The following ACTR3C variants were observed in gnomAD, a reference collection of about 807,000 sequenced individuals.
The protein encoded by ACTR3C is actin-related protein 3C.
In ACTR3C, 18 loss-of-function variants were observed where a neutral mutation model predicts 26.3. The ratio of observed to expected loss-of-function variants is 0.68; its 90% CI spans 0.47 to 1.01. ACTR3C has a LOEUF of 1.01. Among genes scored for constraint, ACTR3C ranks in the 50% least tolerant of loss-of-function variants. The pLI is 0.00. For synonymous variants in ACTR3C, 55 were observed against 94.5 expected (o/e 0.58, Z 2.42); for missense variants, 184 against 250.7 (o/e 0.73, Z 1.80).
intron 6 of ACTR3C, among the ~76,000 whole-genome samples, chr7:150,272,810 T>TC (rs1834555801): frequency 7.4e-6 from 1 of 135,940 alleles, no homozygotes; most frequent in Non-Finnish European, 1.5e-5. Flanking sequence ...GCTGCCTCAG[T>TC]CTCCCAAGTA....
At chr7:150,228,612 A>G in the ACTR3C span, among the ~76,000 whole-genome samples, 3 of 152,140 alleles carry the variant, frequency 2.0e-5, no homozygotes, top group African/African-American at 7.2e-5. Flanking sequence ...CCATGAACCA[A>G]GGAATACAGG....
In ACTR3C at chr7:150,284,854, T is replaced by C. The variant is rs781242657; in HGVS notation, c.472-9A>G. On this transcript the variant is annotated splice_polypyrimidine_tract_variant and intron_variant, in intron 5 of 7. Transcript: ENST00000683684. ...GAGTCTGGGTTGGCAAACTGAATTG[T>C]ATATCAATATAAAAGAAACATTACA... The C allele has an allele frequency of 1.2e-5, 19 of 1,603,892 alleles. 2 individuals are homozygous for C. The South Asian group carries it at 2.0e-4, about 17-fold the overall frequency.
intron 1 of ACTR3C, among the ~76,000 whole-genome samples, chr7:150,306,150 C>T (rs1448204183): frequency 3.9e-5 from 6 of 152,100 alleles, no homozygotes; most frequent in Non-Finnish European, 8.8e-5. Context: ...TTGCAGGTAC[C>T]CATTTTTAGC....
the ACTR3C span, among the ~76,000 whole-genome samples, chr7:150,108,987 C>T: frequency 0.15 from 23,094 of 151,286 alleles, 2,152 homozygotes; most frequent in African/African-American, 0.23. Context: ...GTCTAATGGA[C>T]GGTGAATTAC....
the ACTR3C span, among the ~76,000 whole-genome samples, chr7:150,018,268 T>A: frequency 2.0e-5 from 3 of 149,338 alleles, no homozygotes; most frequent in East Asian, 3.9e-4. Context: ...ATGGTCTCCA[T>A]CTCCTGACCG....
At position 150,305,835 on chromosome 7, in the gene ACTR3C, C is replaced by T. The variant is rs191290665; in HGVS notation, c.-51-10488G>A. Among the ~76,000 whole-genome samples, 1,113 of 152,178 alleles carry T rather than the reference C, an allele frequency of 7.3e-3. 20 individuals carry two copies. The highest frequency in any genetic ancestry group is 0.025 in the African/African-American group (1,017 of 41,506). ...CTCTGCATGTTCAGATGACTGGGCA[C>T]GGCCATCAGAAAGGATAATTCTGTG... On this transcript the variant is annotated intron_variant, in intron 1 of 7. Transcript: ENST00000683684.
At chr7:150,037,605 C>T in the ACTR3C span, among the ~76,000 whole-genome samples, 1 of 77,528 alleles carries the variant, frequency 1.3e-5, no homozygotes, top group Non-Finnish European at 2.5e-5. Flanking sequence ...TCTCAGTAAT[C>T]CCACGTAAGG....
the ACTR3C span, among the ~76,000 whole-genome samples, chr7:149,885,350 C>T: frequency 1.3e-5 from 2 of 152,202 alleles, no homozygotes; most frequent in Admixed American, 1.3e-4. Flanking sequence ...AGACCACACC[C>T]CAGCAAGAAG....
At chr7:150,165,026 T>C in the ACTR3C span, among the ~76,000 whole-genome samples, 1 of 152,220 alleles carries the variant, frequency 6.6e-6, no homozygotes, top group Non-Finnish European at 1.5e-5. Flanking sequence ...AAGTTTCTGG[T>C]GGCTTAGGCA....
chr7:149,904,566 C>T, the ACTR3C span, among the ~76,000 whole-genome samples: 2 of 111,836 alleles, frequency 1.8e-5, no homozygotes, highest in East Asian at 2.9e-4. Flanking sequence ...AACTTTAGAA[C>T]ATTAGAACAC....
chr7:150,012,819 T>C, the ACTR3C span, among the ~76,000 whole-genome samples: 28,384 of 146,482 alleles, frequency 0.19, 431 homozygotes, highest in East Asian at 0.34. Flanking sequence ...ATCTACACAC[T>C]ACCAGGGGAC....
chr7:149,920,831 A>G, the ACTR3C span, among the ~76,000 whole-genome samples: 2 of 151,712 alleles, frequency 1.3e-5, no homozygotes, highest in Non-Finnish European at 2.9e-5. Flanking sequence ...CAATGTCATG[A>G]TCTTGGCTCA....
chr7:150,149,351 T>A, the ACTR3C span, among the ~76,000 whole-genome samples: 1 of 150,708 alleles, frequency 6.6e-6, no homozygotes, highest in South Asian at 2.1e-4. Context: ...GTGTTTTTTT[T>A]ATTATTATTA....
chr7:149,899,967 A>C, the ACTR3C span, among the ~76,000 whole-genome samples: 1 of 147,900 alleles, frequency 6.8e-6, no homozygotes. Flanking sequence ...ACACACACCA[A>C]AAAAAAAGGT....
the ACTR3C span, among the ~76,000 whole-genome samples, chr7:150,095,532 C>A: frequency 6.7e-6 from 1 of 150,288 alleles, no homozygotes; most frequent in African/African-American, 2.5e-5. Context: ...TGGCTTCTTT[C>A]AATTGTTTGA....
chr7:150,006,325 T>C, the ACTR3C span, among the ~76,000 whole-genome samples: 4 of 150,906 alleles, frequency 2.7e-5, no homozygotes, highest in Non-Finnish European at 5.9e-5. Flanking sequence ...GCCTCCCGAG[T>C]AGCTGGGACT....
intron 3 of ACTR3C, among the ~76,000 whole-genome samples, chr7:150,291,616 C>G (rs1374009768): frequency 6.6e-6 from 1 of 152,146 alleles, no homozygotes; most frequent in Non-Finnish European, 1.5e-5. Flanking sequence ...TTTCAAACAA[C>G]TTTCTTAGTG....
At chr7:150,124,287 C>T in the ACTR3C span, among the ~76,000 whole-genome samples, 2 of 152,220 alleles carry the variant, frequency 1.3e-5, no homozygotes, top group South Asian at 4.1e-4. Flanking sequence ...TACATTTTTC[C>T]ATTATCAGTG....
At chr7:150,262,812 T>G (rs1356466726) in intron 6 of ACTR3C, among the ~76,000 whole-genome samples, 1 of 152,190 alleles carries the variant, frequency 6.6e-6, no homozygotes, top group Non-Finnish European at 1.5e-5. Context: ...CACTGAAAAT[T>G]ACTATGTACC....
Sources: allele counts gnomAD v4.1 joint callset (sites outside exome capture counted in the v4.1 genomes callset), GRCh38; gene constraint gnomAD v4.1.1; transcripts MANE v1.5; gene names NCBI Gene and HGNC (gene_info 2026-07-23, HGNC 2026-07-21).